PRR16: variants seen among roughly 807,000 people sequenced by gnomAD.
PRR16 encodes protein Largen.
In PRR16, 6 loss-of-function variants were observed where a neutral mutation model predicts 18.2. The ratio of observed to expected loss-of-function variants is 0.33; its 90% CI spans 0.18 to 0.65. The LOEUF (loss-of-function observed/expected upper bound fraction) is 0.65. PRR16 is among the 30% of genes least tolerant of loss of function. The pLI is 0.74. For synonymous variants in PRR16, 151 were observed against 147.8 expected (o/e 1.02, Z -0.16); for missense variants, 412 against 376.6 (o/e 1.09, Z -0.78).
chr5:120,741,009 A>G, the PRR16 span, among the ~76,000 whole-genome samples: 1 of 151,952 alleles, frequency 6.6e-6, no homozygotes, highest in East Asian at 1.9e-4. Context: ...TTTTTCTTTA[A>G]TTTCTCTTGC....
At chr5:120,761,036 TC>T in the PRR16 span, among the ~76,000 whole-genome samples, 248 of 152,234 alleles carry the variant, frequency 1.6e-3, 1 homozygote, top group African/African-American at 5.6e-3. Flanking sequence ...AATGATAATT[TC>T]TTAATGGGAT....
At chr5:120,483,790 C>G (rs1259974487) in intron 1 of PRR16, among the ~76,000 whole-genome samples, 1 of 151,954 alleles carries the variant, frequency 6.6e-6, no homozygotes, top group Non-Finnish European at 1.5e-5. Flanking sequence ...CTGAATATCT[C>G]AGATAACAAA....
chr5:120,511,732 G>GA (rs556558119), intron 1 of PRR16, among the ~76,000 whole-genome samples: 6 of 152,074 alleles, frequency 3.9e-5, no homozygotes, highest in Non-Finnish European at 7.4e-5. Context: ...TCATCCTATA[G>GA]AAAAAAGTTT....
chr5:120,521,354 T>G (rs1265333631), intron 1 of PRR16, among the ~76,000 whole-genome samples: 1 of 152,166 alleles, frequency 6.6e-6, no homozygotes, highest in Non-Finnish European at 1.5e-5. Context: ...TCCTATAGAT[T>G]TTTTGATTTA....
chr5:120,701,972 C>T, the PRR16 span, among the ~76,000 whole-genome samples: 1 of 151,972 alleles, frequency 6.6e-6, no homozygotes, highest in African/African-American at 2.4e-5. Context: ...GAAAATAAGG[C>T]ATTTAGGTTT....
intron 1 of PRR16, among the ~76,000 whole-genome samples, chr5:120,472,911 C>T (rs1749315717): frequency 6.6e-6 from 1 of 152,062 alleles, no homozygotes; most frequent in Admixed American, 6.6e-5. Context: ...AATAGATGGA[C>T]AAAAAGTTTT....
At chr5:120,620,861 G>C (rs753477933) in intron 1 of PRR16, among the ~76,000 whole-genome samples, 6 of 152,034 alleles carry the variant, frequency 3.9e-5, no homozygotes, top group Non-Finnish European at 8.8e-5. Context: ...TTCCAACTTT[G>C]TATCATTAGC....
chr5:120,733,725 C>A, the PRR16 span, among the ~76,000 whole-genome samples: 1 of 152,198 alleles, frequency 6.6e-6, no homozygotes, highest in African/African-American at 2.4e-5. Flanking sequence ...AGCCTGATTA[C>A]CTAGCCTTTC....
chr5:120,465,783 GA>G, intron 1 of PRR16: 1 of 153,822 alleles, frequency 6.5e-6, no homozygotes, highest in Non-Finnish European at 1.4e-5. Context: ...GCTGCAGCGG[GA>G]AAAGGGGTGG....
the PRR16 span, among the ~76,000 whole-genome samples, chr5:120,724,749 T>C: frequency 6.6e-6 from 1 of 152,010 alleles, no homozygotes. Context: ...CGGACTTTCC[T>C]AGCACAACGT....
chr5:120,775,682 G>A, the PRR16 span, among the ~76,000 whole-genome samples: 1 of 146,270 alleles, frequency 6.8e-6, no homozygotes, highest in African/African-American at 2.5e-5. Context: ...CCAGGCTGGA[G>A]TGCAATGGCA....
chr5:120,540,872 A>C (rs1751891557), intron 1 of PRR16, among the ~76,000 whole-genome samples: 1 of 152,148 alleles, frequency 6.6e-6, no homozygotes, highest in Admixed American at 6.6e-5. Flanking sequence ...GTGTCATATC[A>C]CAACTGTAAT....
intron 1 of PRR16, among the ~76,000 whole-genome samples, chr5:120,628,076 T>C (rs1009960311): frequency 2.6e-5 from 4 of 152,104 alleles, no homozygotes; most frequent in Non-Finnish European, 4.4e-5. Context: ...TTGCTGTGGT[T>C]ATCATGTGAA....
chr5:120,774,308 G>C, the PRR16 span, among the ~76,000 whole-genome samples: 1 of 152,088 alleles, frequency 6.6e-6, no homozygotes, highest in Non-Finnish European at 1.5e-5. Flanking sequence ...CCCAAAACAG[G>C]AAAGCTCAAC....
At chr5:120,647,544 T>C (rs1755641106) in intron 1 of PRR16, among the ~76,000 whole-genome samples, 1 of 152,100 alleles carries the variant, frequency 6.6e-6, no homozygotes. Flanking sequence ...ATAGACTGTA[T>C]TTGACCGACG....
intron 1 of PRR16, among the ~76,000 whole-genome samples, chr5:120,576,368 A>G (rs760297302): frequency 2.0e-5 from 3 of 152,186 alleles, no homozygotes; most frequent in East Asian, 1.9e-4. Context: ...CTGAGTAGAT[A>G]TTTCTCAAAA....
chr5:120,528,365 G>A (rs1007865637), intron 1 of PRR16, among the ~76,000 whole-genome samples: 4 of 152,140 alleles, frequency 2.6e-5, no homozygotes, highest in Non-Finnish European at 4.4e-5. Context: ...CTGCATTTCA[G>A]TACAATGAAT....
Position 120,623,530 on chromosome 5 carries a change from A to G in PRR16, c.160-62424A>G, listed in dbSNP as rs181395602. 2.2e-3 allele frequency among the ~76,000 whole-genome samples: 339 copies of G among 152,294 alleles called. 1 individual carries two copies. Among genetic ancestry groups the G allele is most frequent in the Middle Eastern group, 6.8e-3 (2 of 294 alleles). Reference sequence around the variant, plus strand: ...TTGTGCAAAATGAGGATTAATTGGTAAATACCTACCTTATGCCGTTGTTTT... The same window carrying G: ...TTGTGCAAAATGAGGATTAATTGGTGAATACCTACCTTATGCCGTTGTTTT... On this transcript the variant is annotated intron_variant, in intron 1 of 1. Coordinates refer to ENST00000407149, the MANE Select transcript of PRR16 (RefSeq NM_001300783.2).
the PRR16 span, among the ~76,000 whole-genome samples, chr5:120,714,927 G>A: frequency 6.6e-6 from 1 of 152,198 alleles, no homozygotes; most frequent in African/African-American, 2.4e-5. Context: ...TCATAAATGG[G>A]AGTTGAAAAA....
Sources: allele counts gnomAD v4.1 joint callset (sites outside exome capture counted in the v4.1 genomes callset), GRCh38; gene constraint gnomAD v4.1.1; transcripts MANE v1.5; gene names NCBI Gene and HGNC (gene_info 2026-07-23, HGNC 2026-07-21).